Variants in MTO1 observed in about 807,000 individuals in gnomAD.
The protein encoded by MTO1 is mitochondrial tRNA translation optimization 1.
A neutral mutation model predicts 71.6 loss-of-function variants in MTO1; 46 were observed. The observed-to-expected ratio is 0.64, with a 90% CI of 0.51 to 0.82. The LOEUF is 0.82. Among genes scored for constraint, MTO1 ranks in the 40% least tolerant of loss-of-function variants. The probability of loss-of-function intolerance (pLI) is 0.00; values close to 1 mark genes in which losing one functional copy is unlikely to be tolerated. For missense variants in MTO1, 773 were observed against 867.5 expected, an observed-to-expected ratio of 0.89 and a Z score of 1.37; for synonymous variants, 297 against 312.1, an observed-to-expected ratio of 0.95 and a Z score of 0.51.
Position 73,479,756 on chromosome 6 carries a change from TTGAC to T in MTO1, c.852_855del (p.Leu284PhefsTer67). On this transcript the variant is annotated frameshift_variant, in exon 5 of 12. Transcript: ENST00000498286. LOFTEE classifies it high-confidence loss of function. ...GCCAGAAGATCAGCTGCCATGTTAC[TTGAC>T]TCACACCAACCCTAGAGTGGATGAG... 6.2e-7 allele frequency: 1 copy of T among 1,613,492 alleles called. No homozygotes were observed. The highest frequency in any genetic ancestry group is 8.5e-7 in the Non-Finnish European group (1 of 1,179,840).
intron 11 of MTO1, among the ~76,000 whole-genome samples, chr6:73,500,333 G>A (rs1198588862): frequency 6.6e-6 from 1 of 152,132 alleles, no homozygotes; most frequent in African/African-American, 2.4e-5. Flanking sequence ...TATTAGTTAT[G>A]TAATCTTGCA....
At chr6:73,496,722 C>T (rs1197787194) in intron 10 of MTO1, among the ~76,000 whole-genome samples, 1 of 149,054 alleles carries the variant, frequency 6.7e-6, no homozygotes, top group Non-Finnish European at 1.5e-5. Flanking sequence ...TGAGTGAGAA[C>T]ATGCAGTGTT....
rs1772337898 is a variant in MTO1 at position 73,508,110 on chromosome 6, T to C, written c.*7375T>C. On this transcript the variant is annotated 3_prime_UTR_variant, in exon 12 of 12. Coordinates refer to ENST00000498286, the MANE Select transcript of MTO1 (RefSeq NM_012123.4). ...TAAGCATTTATGGAGGTGCCATGCT[T>C]AATTAGCCATTATGGCACTCACTCT... 6.6e-6 allele frequency: 1 copy of C among 152,218 alleles called. No individual in the cohort carries two copies. The highest frequency in any genetic ancestry group is 1.5e-5 in the Non-Finnish European group (1 of 68,046). The allele number at this position is 152,218 out of a possible 1,614,324, so 9.4% of individuals were successfully genotyped here.
intron 8 of MTO1, 59 bp from the exon 9 acceptor site, chr6:73,482,390 C>T (rs1561947230): frequency 6.4e-7 from 1 of 1,560,070 alleles, no homozygotes; most frequent in African/African-American, 1.4e-5. Flanking sequence ...ACTGTCTCTA[C>T]AAAAAAATTT....
chr6:73,480,203 T>A, intron 6 of MTO1, 77 bp downstream of exon 6: 3 of 1,367,750 alleles, frequency 2.2e-6, no homozygotes, highest in Middle Eastern at 2.0e-4. Context: ...TTAGCTACAG[T>A]CATTGTTGTT....
intron 10 of MTO1, 130 bp from the exon 11 acceptor site, chr6:73,497,606 T>G (rs1162583132): frequency 1.1e-6 from 1 of 871,418 alleles, no homozygotes; most frequent in Non-Finnish European, 1.7e-6. Flanking sequence ...CCAACCCATC[T>G]CATGAAATGA....
intron 11 of MTO1, among the ~76,000 whole-genome samples, chr6:73,499,196 G>C (rs573010843): frequency 1.7e-4 from 26 of 151,944 alleles, no homozygotes; most frequent in Admixed American, 1.5e-3. Context: ...ATATAAGATG[G>C]TATTCTTAGC....
At position 73,500,742 on chromosome 6, in the gene MTO1, A is replaced by G. The variant is rs778880919; in HGVS notation, c.*7A>G. The G allele has an allele frequency of 5.1e-6, 8 of 1,558,498 alleles. No individual in the cohort carries two copies. In the African/African-American group the frequency reaches 9.6e-5, roughly 19 times the overall value. ...TCAAGAGAGAGAGTTATAGCTTTCA[A>G]TTCATAAAAGATTTTTAAAGAGCAT... On this transcript the variant is annotated 3_prime_UTR_variant, in exon 12 of 12. Transcript: ENST00000498286.
In MTO1 at chr6:73,492,238, C is replaced by T. The variant is rs755838326; in HGVS notation, c.1642C>T (p.Leu548Phe). The T allele has an allele frequency of 1.2e-6, 2 of 1,606,432 alleles. No homozygotes were observed. Among genetic ancestry groups the T allele is most frequent in the Non-Finnish European group, 1.7e-6 (2 of 1,173,278 alleles). ...STSRSLPVRA[L>F]DVLKYEEVDM... ...GAAACTTTCATATATTTGCAGAGCT[C>T]TCGATGTTCTGAAGTATGAGGAAGT... is the stretch of plus-strand genomic sequence containing the variant. The change falls in exon 10 of 12, where the codon CTC becomes TTC. Residue 548 changes from leucine (L) to phenylalanine (F), a missense_variant. Physicochemically the swap from Leu to Phe is conservative, Grantham distance 22. Coordinates refer to ENST00000498286, the MANE Select transcript of MTO1 (RefSeq NM_012123.4).
Position 73,492,250 on chromosome 6 carries a change from A to G in MTO1, c.1654A>G (p.Lys552Glu), listed in dbSNP as rs1226148427. The G allele has an allele frequency of 6.2e-7, 1 of 1,612,228 alleles. No homozygotes were observed. The highest frequency in any genetic ancestry group is 1.3e-5 in the African/African-American group (1 of 74,864). Residue 552 changes from lysine (K) to glutamate (E), a missense_variant, in exon 10 of 12, where the codon AAG (lysine) becomes GAG (glutamate). Lys to Glu is a moderately conservative substitution (Grantham distance 56). Coordinates refer to ENST00000498286, the MANE Select transcript of MTO1 (RefSeq NM_012123.4). ...SLPVRALDVL[K>E]YEEVDMDSLA... is the part of the protein sequence containing the mutation. ...TATTTGCAGAGCTCTCGATGTTCTGAAGTATGAGGAAGTTGACATGGATTC... is the reference window on the plus strand; with the variant it reads ...TATTTGCAGAGCTCTCGATGTTCTGGAGTATGAGGAAGTTGACATGGATTC...
intron 10 of MTO1, among the ~76,000 whole-genome samples, chr6:73,492,995 T>TGTGTGTGTGTGTGTGTGTGTGTGTA (rs540252865): frequency 4.1e-5 from 3 of 73,306 alleles, no homozygotes; most frequent in African/African-American, 1.4e-4. Context: ...TGTGTGTGTA[T>TGTGTGTGTGTGTGTGTGTGTGTGTA]TTTTTTTTTT....
At chr6:73,500,521 T>C (rs909831072) in intron 11 of MTO1, 53 bp from the exon 12 acceptor site, 1 of 1,488,366 alleles carries the variant, frequency 6.7e-7, no homozygotes, top group East Asian at 2.3e-5. Flanking sequence ...GAAAATAGAT[T>C]TGATTTGACA....
In MTO1 at chr6:73,504,843, G is replaced by T. The variant is rs1472582622; in HGVS notation, c.*4108G>T. The T allele has an allele frequency of 6.6e-6, 1 of 152,174 alleles. No homozygotes were observed. Among genetic ancestry groups the T allele is most frequent in the Non-Finnish European group, 1.5e-5 (1 of 68,058 alleles). 9.4% of individuals were successfully genotyped at this position (152,174 alleles called of 1,614,324 possible). ...TGAGGCTGCAGTGAGTTGATAGCAT[G>T]CCACCACACTCCAGCCTGGGCAACA... On this transcript the variant is annotated 3_prime_UTR_variant, in exon 12 of 12. Transcript: ENST00000498286.
chr6:73,489,380 C>T (rs1771745025), intron 9 of MTO1, among the ~76,000 whole-genome samples: 1 of 151,258 alleles, frequency 6.6e-6, no homozygotes, highest in African/African-American at 2.4e-5. Flanking sequence ...TGGTGTGCTG[C>T]ACCTGTTAAC....
Position 73,466,335 on chromosome 6 carries a change from AC to A in MTO1, c.346del (p.Arg116GlyfsTer10). ...DQSGVHYKVL[N>X]RRKGPAVWGL... ...TCTGGTGTACATTATAAAGTATTAAACCGGCGTAAGGGACCAGCTGTGTGGG... is the reference window on the plus strand; with the variant it reads ...TCTGGTGTACATTATAAAGTATTAAACGGCGTAAGGGACCAGCTGTGTGGG... On this transcript the variant is annotated frameshift_variant, in exon 2 of 12. Transcript: ENST00000498286. LOFTEE classifies it high-confidence loss of function. The A allele has an allele frequency of 6.2e-7, 1 of 1,614,112 alleles. No homozygotes were observed. The highest frequency in any genetic ancestry group is 8.5e-7 in the Non-Finnish European group (1 of 1,180,028).
Position 73,462,221 on chromosome 6 carries a change from A to C in MTO1, c.217+150A>C, listed in dbSNP as rs1770844615. The C allele has an allele frequency of 4.8e-6, 4 of 841,070 alleles. No homozygotes were observed. The Admixed American group carries it at 9.8e-5, about 21-fold the overall frequency. 52.1% of individuals were successfully genotyped at this position (841,070 alleles called of 1,614,324 possible). ...TTTTAGCCTCGATCAGTGTCTCGCA[A>C]GGATCAGGCGGGCCAGGCCAGAACT... On this transcript the variant is annotated intron_variant, in intron 1 of 11. Coordinates refer to ENST00000498286, the MANE Select transcript of MTO1 (RefSeq NM_012123.4).
At chr6:73,497,927 GT>G in intron 11 of MTO1, 31 bp downstream of exon 11, 1 of 1,575,418 alleles carries the variant, frequency 6.3e-7, no homozygotes. Context: ...ATAGAAACAA[GT>G]TATAGATAAA....
At chr6:73,498,683 A>C (rs2150045432) in intron 11 of MTO1, among the ~76,000 whole-genome samples, 1 of 152,052 alleles carries the variant, frequency 6.6e-6, no homozygotes, top group South Asian at 2.1e-4. Context: ...GTACTTACTG[A>C]TTCTGAAATA....
Position 73,473,755 on chromosome 6 carries a change from A to C in MTO1, c.825+101A>C. The C allele has an allele frequency of 4.5e-6, 4 of 879,850 alleles. No homozygotes were observed. In the South Asian group the frequency reaches 7.1e-5, roughly 16 times the overall value. 54.5% of individuals were successfully genotyped at this position (879,850 alleles called of 1,614,324 possible). A position where few individuals can be genotyped will look rare whatever the true frequency, so the allele number is the denominator to read the frequency against. On this transcript the variant is annotated intron_variant, in intron 4 of 11. Coordinates refer to ENST00000498286, the MANE Select transcript of MTO1 (RefSeq NM_012123.4). The stretch of plus-strand genomic sequence containing the variant: ...TTTTTTTTTGGCAGCAGTTCACTTT[A>C]TAGCACTATTGCTTATAGTGCAAAG...
Sources: allele counts gnomAD v4.1 joint callset (sites outside exome capture counted in the v4.1 genomes callset), GRCh38; gene constraint gnomAD v4.1.1; transcripts MANE v1.5; gene names NCBI Gene and HGNC (gene_info 2026-07-23, HGNC 2026-07-21).